SRGAP2B: variants seen among roughly 807,000 people sequenced by gnomAD.
SRGAP2B encodes the protein SLIT-ROBO Rho GTPase activating protein 2B.
In SRGAP2B, 9 loss-of-function variants were observed where a neutral mutation model predicts 22.2. The observed-to-expected ratio is 0.41, with a 90% CI of 0.24 to 0.71. The LOEUF is 0.71. Among genes scored for constraint, SRGAP2B ranks in the 30% least tolerant of loss-of-function variants. The pLI is 0.35. For synonymous variants in SRGAP2B, 36 were observed against 87.4 expected, an observed-to-expected ratio of 0.41 and a Z score of 3.28; for missense variants, 114 against 235.8, an observed-to-expected ratio of 0.48 and a Z score of 3.38.
chr1:144,918,289 T>C (rs1229071647), intron 4 of SRGAP2B: 1 of 148,182 alleles, frequency 6.7e-6, no homozygotes, highest in Non-Finnish European at 1.5e-5. Context: ...AAAAAAAAGA[T>C]GCCTAAATTT....
intron 4 of SRGAP2B, among the ~76,000 whole-genome samples, chr1:144,930,796 A>G (rs2101829815): frequency 6.7e-6 from 1 of 148,292 alleles, no homozygotes; most frequent in Non-Finnish European, 1.5e-5. Flanking sequence ...CCTTCTTTTC[A>G]TTCCTCCTGT....
At chr1:144,940,358 T>A (rs1553607175) in intron 4 of SRGAP2B, among the ~76,000 whole-genome samples, 1 of 136,516 alleles carries the variant, frequency 7.3e-6, no homozygotes. Flanking sequence ...AAAAACCCTC[T>A]CTCCTTACCT....
intron 3 of SRGAP2B, among the ~76,000 whole-genome samples, chr1:144,965,300 G>T (rs1209719401): frequency 6.8e-6 from 1 of 146,516 alleles, no homozygotes; most frequent in East Asian, 2.0e-4. Flanking sequence ...TCTGAGAACG[G>T]GCAGACTGCC....
chr1:144,988,036 A>T (rs1669875917), intron 3 of SRGAP2B, among the ~76,000 whole-genome samples: 1 of 149,416 alleles, frequency 6.7e-6, no homozygotes, highest in South Asian at 2.1e-4. Flanking sequence ...TGCTAAAAAT[A>T]TATCAGGTGA....
intron 2 of SRGAP2B, among the ~76,000 whole-genome samples, chr1:145,084,091 G>A (rs1466067019): frequency 1.3e-5 from 1 of 74,278 alleles, no homozygotes; most frequent in African/African-American, 5.3e-5. Context: ...TTTTTTTTTT[G>A]AGATGGAGTT....
At chr1:144,915,758 A>G (rs1482916058) in intron 4 of SRGAP2B, among the ~76,000 whole-genome samples, 1 of 150,846 alleles carries the variant, frequency 6.6e-6, no homozygotes, top group African/African-American at 2.5e-5. Context: ...AAGGAAAGAA[A>G]GGAGGAAGCA....
intron 2 of SRGAP2B, among the ~76,000 whole-genome samples, chr1:145,008,924 G>C (rs591496): frequency 6.7e-6 from 1 of 149,440 alleles, no homozygotes; most frequent in African/African-American, 2.5e-5. Context: ...ATAATCCCAG[G>C]ACTTTGGGAG....
intron 6 of SRGAP2B, 144 bp from the exon 7 acceptor site, chr1:144,905,363 G>C (rs1382247403): frequency 8.4e-6 from 5 of 597,042 alleles, no homozygotes; most frequent in Non-Finnish European, 1.5e-5. Flanking sequence ...TTCTAATTCT[G>C]TTTAATGAGA....
Position 144,967,613 on chromosome 1 carries a change from C to T in SRGAP2B, c.261-12012G>A, listed in dbSNP as rs1289643114. On this transcript the variant is annotated intron_variant, in intron 3 of 9. Coordinates refer to ENST00000612199, the Ensembl canonical transcript of SRGAP2B. ...AAGCAAGAGCAAACACATTCAAAAG[C>T]TAGCAGAAGGCAAGAAATAACTAAA... Among the ~76,000 whole-genome samples, 37 of 137,338 alleles carry T rather than the reference C, an allele frequency of 2.7e-4. No individual in the cohort carries two copies. The South Asian group carries it at 4.8e-3, about 18-fold the overall frequency. The allele number at this position is 137,338 out of a possible 152,430, so 90.1% of individuals were successfully genotyped here. A position where few individuals can be genotyped will look rare whatever the true frequency, so the allele number is the denominator to read the frequency against.
chr1:144,994,567 TGAGA>T (rs56165682), intron 3 of SRGAP2B, among the ~76,000 whole-genome samples: 39,923 of 122,174 alleles, frequency 0.33, 6,653 homozygotes, highest in African/African-American at 0.46. Flanking sequence ...TGTGTGTGTG[TGAGA>T]GAGAGAGAGA....
At chr1:144,993,375 A>T (rs1476381) in intron 3 of SRGAP2B, among the ~76,000 whole-genome samples, 2 of 150,698 alleles carry the variant, frequency 1.3e-5, no homozygotes, top group South Asian at 4.2e-4. Context: ...GTACAGATGA[A>T]GCTGACACTG....
At position 145,019,787 on chromosome 1, in the gene SRGAP2B, T is replaced by C. The variant is rs1444603922; in HGVS notation, c.68-24587A>G. Among the ~76,000 whole-genome samples the C allele has an allele frequency of 4.1e-5, 6 of 147,252 alleles. 2 individuals are homozygous for C. The highest frequency in any genetic ancestry group is 7.4e-5 in the Non-Finnish European group (5 of 67,372). Reference sequence around the variant, plus strand: ...ATTTACAGAATAAAAGCCAACAGCCTAACATGGTATGATGTAATCAGGCAT... The same window carrying C: ...ATTTACAGAATAAAAGCCAACAGCCCAACATGGTATGATGTAATCAGGCAT... On this transcript the variant is annotated intron_variant, in intron 2 of 9. Transcript: ENST00000612199.
chr1:144,981,155 C>T (rs1426051549), intron 3 of SRGAP2B, among the ~76,000 whole-genome samples: 1 of 148,872 alleles, frequency 6.7e-6, no homozygotes, highest in African/African-American at 2.6e-5. Flanking sequence ...ACAGCTTTTG[C>T]CTTGAAAAGA....
intron 5 of SRGAP2B, among the ~76,000 whole-genome samples, chr1:144,908,499 T>C (rs1317396459): frequency 2.1e-5 from 3 of 141,628 alleles, no homozygotes; most frequent in Non-Finnish European, 1.5e-5. Flanking sequence ...ATATACACAA[T>C]GGTAGTTTTA....
chr1:144,925,776 AAAG>A (rs1664674645), intron 4 of SRGAP2B, among the ~76,000 whole-genome samples: 2 of 143,950 alleles, frequency 1.4e-5, no homozygotes, highest in Non-Finnish European at 3.0e-5. Context: ...AGAAAGAAAG[AAAG>A]AAAGAAAGAA....
intron 3 of SRGAP2B, among the ~76,000 whole-genome samples, chr1:144,971,559 T>C (rs1189427905): frequency 1.3e-5 from 2 of 150,916 alleles, no homozygotes; most frequent in Admixed American, 1.3e-4. Context: ...CCTCCCAAAG[T>C]GCCAGGCTCA....
At chr1:145,047,175 CAAAA>C (rs4058382) in intron 2 of SRGAP2B, among the ~76,000 whole-genome samples, 4 of 14,574 alleles carry the variant, frequency 2.7e-4, no homozygotes, top group African/African-American at 1.7e-3. Flanking sequence ...GACTCTGTCT[CAAAA>C]AAAAAAAAAA....
At chr1:144,953,812 G>T (rs1553609802) in intron 4 of SRGAP2B, among the ~76,000 whole-genome samples, 2 of 150,750 alleles carry the variant, frequency 1.3e-5, no homozygotes, top group East Asian at 3.9e-4. Flanking sequence ...GTGAAGTCTA[G>T]CTAGGTGAAC....
intron 2 of SRGAP2B, among the ~76,000 whole-genome samples, chr1:145,005,194 TGA>T (rs1671501962): frequency 9.2e-6 from 1 of 108,508 alleles, no homozygotes; most frequent in African/African-American, 3.6e-5. Flanking sequence ...CAAAGCAAAA[TGA>T]GAGTCTTGAA....
Sources: gnomAD v4.1 joint callset for allele counts (sites outside exome capture counted in the v4.1 genomes callset) on GRCh38, gnomAD v4.1.1 for gene constraint, MANE v1.5 for transcripts, NCBI Gene and HGNC (gene_info 2026-07-23, HGNC 2026-07-21) for gene names.